The following KCNJ12 variants were observed in gnomAD, a reference collection of about 807,000 sequenced individuals.
The protein encoded by KCNJ12 is potassium inwardly rectifying channel subfamily J member 12.
A neutral mutation model predicts 22.3 loss-of-function variants in KCNJ12; 2 were observed. That is an observed-to-expected ratio of 0.09 (90% CI 0.04 to 0.28). The LOEUF (loss-of-function observed/expected upper bound fraction) is 0.28. Ranked by LOEUF, KCNJ12 falls within the 10% of genes least tolerant of loss-of-function variation. KCNJ12 has a pLI of 1.00. For synonymous variants in KCNJ12, 117 were observed against 261.4 expected (o/e 0.45, Z 5.33); for missense variants, 155 against 633.3 (o/e 0.24, Z 8.11).
Position 21,415,765 on chromosome 17 carries a change from G to A in KCNJ12, c.423G>A (p.Gln141=). ...MAAFLFSIET[Q]TTIGYGLRCV... Reference sequence around the variant, plus strand: ...CCTTCCTCTTCTCCATCGAGACGCAGACCACCATCGGCTACGGGCTGCGCT... The same window carrying A: ...CCTTCCTCTTCTCCATCGAGACGCAAACCACCATCGGCTACGGGCTGCGCT... Residue 141 remains glutamine (Q), a synonymous_variant, in exon 3 of 3, where the codon CAG becomes CAA. Coordinates refer to ENST00000583088, the MANE Select transcript of KCNJ12 (RefSeq NM_021012.5). The A allele has an allele frequency of 6.2e-7, 1 of 1,613,178 alleles. No homozygotes were observed. Among genetic ancestry groups the A allele is most frequent in the Non-Finnish European group, 8.5e-7 (1 of 1,179,988 alleles).
At chr17:21,396,741 C>T (rs1289098789) in intron 1 of KCNJ12, among the ~76,000 whole-genome samples, 1 of 152,240 alleles carries the variant, frequency 6.6e-6, no homozygotes, top group Non-Finnish European at 1.5e-5. Flanking sequence ...CCCCTGGAGT[C>T]ACCAGAGCCG....
At chr17:21,411,792 G>T in intron 2 of KCNJ12, among the ~76,000 whole-genome samples, 1 of 152,430 alleles carries the variant, frequency 6.6e-6, no homozygotes, top group South Asian at 2.1e-4. Flanking sequence ...TGTGTCCCTG[G>T]TGGAGGATAT....
intron 2 of KCNJ12, among the ~76,000 whole-genome samples, chr17:21,412,023 C>G (rs532274748): frequency 1.3e-5 from 2 of 151,658 alleles, no homozygotes; most frequent in Non-Finnish European, 2.9e-5. Context: ...CTCTCTCTCT[C>G]TCTCTCACAC....
At chr17:21,394,132 A>G (rs1219269703) in intron 1 of KCNJ12, among the ~76,000 whole-genome samples, 4 of 152,026 alleles carry the variant, frequency 2.6e-5, no homozygotes, top group Non-Finnish European at 5.9e-5. Flanking sequence ...GTCACGTGTC[A>G]ATGACATTTC....
intron 1 of KCNJ12, among the ~76,000 whole-genome samples, chr17:21,385,480 G>A (rs1905043213): frequency 6.6e-6 from 1 of 152,110 alleles, no homozygotes; most frequent in Non-Finnish European, 1.5e-5. Flanking sequence ...CCATCACCCC[G>A]GCCTGCTGGG....
In KCNJ12 at chr17:21,395,568, C is replaced by CAAAAAAA. The variant is rs10652801; in HGVS notation, c.-178-12931_-178-12925dup. Among the ~76,000 whole-genome samples the CAAAAAAA allele has an allele frequency of 6.9e-4, 33 of 48,040 alleles. 1 individual carries two copies. The highest frequency in any genetic ancestry group is 1.3e-3 in the African/African-American group (13 of 9,728). 31.5% of individuals were successfully genotyped at this position (48,040 alleles called of 152,430 possible). A position where few individuals can be genotyped will look rare whatever the true frequency, so the allele number is the denominator to read the frequency against. On this transcript the variant is annotated intron_variant, in intron 1 of 2. Coordinates refer to ENST00000583088, the MANE Select transcript of KCNJ12 (RefSeq NM_021012.5). ...TACACTCCAGAGCGAGACTTCTTCT[C>CAAAAAAA]AAAAAAAAAAAAAAAAAAAAAAAAA... is the stretch of plus-strand genomic sequence containing the variant.
At chr17:21,387,755 T>A (rs1486366311) in intron 1 of KCNJ12, among the ~76,000 whole-genome samples, 1 of 152,180 alleles carries the variant, frequency 6.6e-6, no homozygotes, top group Non-Finnish European at 1.5e-5. Flanking sequence ...AAGCGCTCAC[T>A]TTTAGGTTTC....
At chr17:21,386,509 T>G (rs1905074677) in intron 1 of KCNJ12, among the ~76,000 whole-genome samples, 1 of 152,180 alleles carries the variant, frequency 6.6e-6, no homozygotes, top group African/African-American at 2.4e-5. Flanking sequence ...TTTATTTTTT[T>G]TAACTATATG....
At chr17:21,393,042 G>A (rs782381700) in intron 1 of KCNJ12, among the ~76,000 whole-genome samples, 3 of 152,134 alleles carry the variant, frequency 2.0e-5, no homozygotes, top group East Asian at 3.8e-4. Flanking sequence ...GGGAGGGGCC[G>A]AGGCTGTTCC....
rs73981250 is a variant in KCNJ12, at chr17:21,419,784, G to T, written c.*3140G>T. 1 of 167,036 alleles carries T rather than the reference G, an allele frequency of 6.0e-6. No homozygotes were observed. Among genetic ancestry groups the T allele is most frequent in the African/African-American group, 2.4e-5 (1 of 41,492 alleles). 10.3% of individuals were successfully genotyped at this position (167,036 alleles called of 1,614,324 possible). On this transcript the variant is annotated 3_prime_UTR_variant, in exon 3 of 3. Coordinates refer to ENST00000583088, the MANE Select transcript of KCNJ12 (RefSeq NM_021012.5). ...TTATTTTAAATGGTGAAACTGGAGAGTTTTCATGTTATTTTCAATACATAG... is the reference window on the plus strand; with the variant it reads ...TTATTTTAAATGGTGAAACTGGAGATTTTTCATGTTATTTTCAATACATAG...
chr17:21,397,401 C>T (rs1466013396), intron 1 of KCNJ12, among the ~76,000 whole-genome samples: 1 of 152,210 alleles, frequency 6.6e-6, no homozygotes. Flanking sequence ...CGCCCGGCTG[C>T]CTGTGGGGAG....
chr17:21,390,860 T>A (rs1234183541), intron 1 of KCNJ12, among the ~76,000 whole-genome samples: 1 of 152,226 alleles, frequency 6.6e-6, no homozygotes, highest in Non-Finnish European at 1.5e-5. Flanking sequence ...AGTGAACAAT[T>A]CAGTGGTATT....
chr17:21,405,666 A>C (rs1381586059), intron 1 of KCNJ12, among the ~76,000 whole-genome samples: 9 of 152,406 alleles, frequency 5.9e-5, no homozygotes, highest in Middle Eastern at 6.8e-3. Flanking sequence ...GTTGGCCCTC[A>C]GTCGTGGTCA....
chr17:21,389,104 C>T (rs782670910), intron 1 of KCNJ12, among the ~76,000 whole-genome samples: 5 of 152,192 alleles, frequency 3.3e-5, no homozygotes, highest in Non-Finnish European at 7.3e-5. Context: ...TGCAGTTGTG[C>T]GGGGAGCTTG....
intron 1 of KCNJ12, among the ~76,000 whole-genome samples, chr17:21,403,905 C>A (rs1402206924): frequency 2.0e-5 from 3 of 152,304 alleles, no homozygotes; most frequent in African/African-American, 7.2e-5. Flanking sequence ...GAATTCATGC[C>A]TTGTTGCCCC....
chr17:21,376,946 C>T lies in KCNJ12; in HGVS notation c.-179+33C>T, dbSNP rs1904676797. 6.6e-6 allele frequency: 1 copy of T among 152,024 alleles called. No homozygotes were observed. Among genetic ancestry groups the T allele is most frequent in the Non-Finnish European group, 1.5e-5 (1 of 67,944 alleles). 9.4% of individuals were successfully genotyped at this position (152,024 alleles called of 1,614,324 possible). ...CGCGGCCGCGGGCGCATGGTCCCTCCCGGGCCCGGCCCCAGTTCCCCGCAG... is the reference window on the plus strand; with the variant it reads ...CGCGGCCGCGGGCGCATGGTCCCTCTCGGGCCCGGCCCCAGTTCCCCGCAG... On this transcript the variant is annotated intron_variant, in intron 1 of 2. Coordinates refer to ENST00000583088, the MANE Select transcript of KCNJ12 (RefSeq NM_021012.5). The surrounding 1 kb of genome is among the most constrained non-coding windows in gnomAD (Gnocchi z 5.3).
At chr17:21,388,527 G>C (rs989219629) in intron 1 of KCNJ12, among the ~76,000 whole-genome samples, 2 of 152,164 alleles carry the variant, frequency 1.3e-5, no homozygotes, top group East Asian at 3.9e-4. Context: ...CCCAACTGCC[G>C]CCAGGAAATT....
chr17:21,400,581 T>C (rs1905549752), intron 1 of KCNJ12, among the ~76,000 whole-genome samples: 1 of 152,300 alleles, frequency 6.6e-6, no homozygotes, highest in African/African-American at 2.4e-5. Context: ...GAACGGGGAA[T>C]GAACAAGTGG....
At chr17:21,388,350 G>A (rs1374630156) in intron 1 of KCNJ12, among the ~76,000 whole-genome samples, 4 of 152,174 alleles carry the variant, frequency 2.6e-5, no homozygotes, top group Non-Finnish European at 4.4e-5. Context: ...TCTTGCCTGC[G>A]CGTGGAGCCC....
Sources: allele counts gnomAD v4.1 joint callset (sites outside exome capture counted in the v4.1 genomes callset), GRCh38; gene constraint gnomAD v4.1.1; non-coding constraint Gnocchi (gnomAD v3.1); transcripts MANE v1.5; gene names NCBI Gene and HGNC (gene_info 2026-07-23, HGNC 2026-07-21).